Variants in GPM6A observed in about 807,000 individuals in gnomAD.
GPM6A encodes glycoprotein M6A.
In GPM6A, 7 loss-of-function variants were observed where a neutral mutation model predicts 32.1. The ratio of observed to expected loss-of-function variants is 0.22; its 90% CI spans 0.12 to 0.41. GPM6A has a LOEUF of 0.41. GPM6A is among the 10% of genes least tolerant of loss of function. The probability of loss-of-function intolerance (pLI) is 1.00; values close to 1 mark genes in which losing one functional copy is unlikely to be tolerated. For synonymous variants in GPM6A, 130 were observed against 123.4 expected (o/e 1.05, Z -0.35); for missense variants, 235 against 347.2 (o/e 0.68, Z 2.57).
upstream of GPM6A, among the ~76,000 whole-genome samples, chr4:175,813,832 G>A (rs1579532692): frequency 6.6e-6 from 1 of 152,112 alleles, no homozygotes; most frequent in Admixed American, 6.5e-5. Context: ...CCTCTTACTT[G>A]TATAATCATT....
chr4:175,994,980 A>G (rs1029281184), intron 1 of GPM6A, among the ~76,000 whole-genome samples: 1 of 152,214 alleles, frequency 6.6e-6, no homozygotes, highest in Non-Finnish European at 1.5e-5. Flanking sequence ...TTATTCATCC[A>G]TAGAAAGCAA....
intron 1 of GPM6A, among the ~76,000 whole-genome samples, chr4:175,897,205 G>A (rs962095850): frequency 2.0e-5 from 3 of 152,132 alleles, no homozygotes; most frequent in Admixed American, 6.6e-5. Context: ...TGCTTGTGGT[G>A]TCCAGGGTCA....
Position 175,914,160 on chromosome 4 carries a change from G to GT in GPM6A, c.-23+88148dup, listed in dbSNP as rs1738410668. Among the ~76,000 whole-genome samples, 4 of 147,040 alleles carry GT rather than the reference G, an allele frequency of 2.7e-5. No homozygotes were observed. In the South Asian group the frequency reaches 9.6e-4, roughly 35 times the overall value. On this transcript the variant is annotated intron_variant, in intron 1 of 7. Coordinates refer to the GPM6A transcript ENST00000280187. Reference sequence around the variant, plus strand: ...GAAAGAGAAAAGGAAAAAAAAATGTGTGGGGGGGGTAGGGATATGTAGTGA... The same window carrying GT: ...GAAAGAGAAAAGGAAAAAAAAATGTGTTGGGGGGGGTAGGGATATGTAGTGA...
At chr4:175,999,535 T>G (rs1394498926) in intron 1 of GPM6A, among the ~76,000 whole-genome samples, 1 of 152,162 alleles carries the variant, frequency 6.6e-6, no homozygotes, top group East Asian at 1.9e-4. Context: ...CTTTTTTTTT[T>G]TTTTACAATC....
chr4:175,730,676 G>C (rs1731387957), intron 1 of GPM6A, among the ~76,000 whole-genome samples: 2 of 152,052 alleles, frequency 1.3e-5, no homozygotes, highest in Non-Finnish European at 2.9e-5. Context: ...GTTTCACCGT[G>C]TTAGCCAGGA....
chr4:176,001,029 T>C (rs1741459724), intron 1 of GPM6A, among the ~76,000 whole-genome samples: 2 of 152,222 alleles, frequency 1.3e-5, no homozygotes, highest in Non-Finnish European at 2.9e-5. Flanking sequence ...GAAGAGACTA[T>C]GAAAGTCTTG....
intron 1 of GPM6A, among the ~76,000 whole-genome samples, chr4:175,851,759 T>C (rs866302289): frequency 6.6e-6 from 1 of 152,202 alleles, no homozygotes; most frequent in African/African-American, 2.4e-5. Flanking sequence ...ATTATGAAAA[T>C]ATAATTTGCA....
At chr4:175,701,296 C>T (rs1169825395) in intron 2 of GPM6A, among the ~76,000 whole-genome samples, 1 of 152,096 alleles carries the variant, frequency 6.6e-6, no homozygotes, top group Non-Finnish European at 1.5e-5. Context: ...CAAGGGAAGT[C>T]CCAGAATTCC....
rs144371311 is a variant in GPM6A, at chr4:175,681,424, C to A, written c.231-7588G>T. Among the ~76,000 whole-genome samples the A allele has an allele frequency of 4.8e-4, 73 of 152,072 alleles. 1 individual carries two copies. The East Asian group carries it at 0.014, about 29-fold the overall frequency. On this transcript the variant is annotated intron_variant, in intron 2 of 6. Coordinates refer to ENST00000393658, the MANE Select transcript of GPM6A (RefSeq NM_201591.3). ...GTCTATTCATGTGTTTGCCATTTTACCATAAGATTTGTGGTCCTCTCTGCA... is the reference window on the plus strand; with the variant it reads ...GTCTATTCATGTGTTTGCCATTTTAACATAAGATTTGTGGTCCTCTCTGCA...
intron 3 of GPM6A, among the ~76,000 whole-genome samples, chr4:175,662,546 G>A (rs1269841648): frequency 6.6e-6 from 1 of 152,052 alleles, no homozygotes; most frequent in African/African-American, 2.4e-5. Context: ...ATTGCAGTGA[G>A]CCGAGATCGC....
intron 1 of GPM6A, among the ~76,000 whole-genome samples, chr4:175,977,188 T>C (rs1740688644): frequency 6.6e-6 from 1 of 152,210 alleles, no homozygotes. Context: ...CTTTGGAATA[T>C]GACATGACTG....
intron 1 of GPM6A, chr4:175,808,460 C>A (rs1734787794): frequency 6.6e-6 from 1 of 152,018 alleles, no homozygotes; most frequent in African/African-American, 2.4e-5. Context: ...TTTATGTATT[C>A]TTGTTGGTTT....
At chr4:175,934,188 T>G (rs1346264343) in intron 1 of GPM6A, among the ~76,000 whole-genome samples, 2 of 152,226 alleles carry the variant, frequency 1.3e-5, no homozygotes, top group African/African-American at 4.8e-5. Context: ...TCAAACGCTA[T>G]GCTTAAAATG....
intron 1 of GPM6A, among the ~76,000 whole-genome samples, chr4:175,999,566 T>C (rs1741411896): frequency 6.6e-6 from 1 of 152,024 alleles, no homozygotes; most frequent in African/African-American, 2.4e-5. Context: ...ATTATGGATA[T>C]GAAGGACTAT....
At chr4:175,812,689 G>A (rs1192846483), upstream of GPM6A, 4 of 985,778 alleles carry the variant, frequency 4.1e-6, no homozygotes, top group African/African-American at 7.0e-5. Flanking sequence ...TGAACAGATG[G>A]AGGGGTGTCC....
intron 1 of GPM6A, among the ~76,000 whole-genome samples, chr4:175,796,553 C>G (rs565346921): frequency 1.3e-5 from 2 of 152,098 alleles, no homozygotes; most frequent in South Asian, 4.1e-4. Flanking sequence ...TGTTTGAATG[C>G]TTCTGTTTAT....
intron 1 of GPM6A, among the ~76,000 whole-genome samples, chr4:175,957,206 C>T (rs562903336): frequency 4.6e-5 from 7 of 152,126 alleles, no homozygotes; most frequent in Non-Finnish European, 1.0e-4. Context: ...ACTATTACAG[C>T]CTCTTATCTC....
rs1727926711 is a variant in GPM6A, at chr4:175,640,909, T to C, written c.542-80A>G. ...AGAGAAAAAAATGAGTTTTTGCTAA[T>C]CAAATCTAAGCAAGTTCCATTTTAT... On this transcript the variant is annotated intron_variant, in intron 4 of 6. Coordinates refer to ENST00000393658, the MANE Select transcript of GPM6A (RefSeq NM_201591.3). 8 of 835,558 alleles carry C rather than the reference T, an allele frequency of 9.6e-6. No individual in the cohort carries two copies. In the South Asian group the frequency reaches 1.2e-4, roughly 12 times the overall value. The allele number at this position is 835,558 out of a possible 1,614,324, so 51.8% of individuals were successfully genotyped here. A position where few individuals can be genotyped will look rare whatever the true frequency, so the allele number is the denominator to read the frequency against.
chr4:175,815,977 A>G (rs938289586), upstream of GPM6A, among the ~76,000 whole-genome samples: 5 of 152,112 alleles, frequency 3.3e-5, no homozygotes, highest in Admixed American at 3.3e-4. Context: ...TCGGCCTCCC[A>G]AAGTGCTGGG....
Sources: gnomAD v4.1 joint callset for allele counts (sites outside exome capture counted in the v4.1 genomes callset) on GRCh38, gnomAD v4.1.1 for gene constraint, MANE v1.5 for transcripts, NCBI Gene and HGNC (gene_info 2026-07-23, HGNC 2026-07-21) for gene names.